The following WWOX variants were observed in gnomAD, a reference collection of about 807,000 sequenced individuals.
The protein encoded by WWOX is WW domain-containing oxidoreductase.
WWOX carries 69 observed loss-of-function variants against 46.2 expected under a neutral mutation model. That is an observed-to-expected ratio of 1.49 (90% CI 1.23 to 1.82). WWOX has a LOEUF of 1.82. WWOX is among the 40% of genes most tolerant of loss of function. The probability of loss-of-function intolerance (pLI) is 0.00; values close to 1 mark genes in which losing one functional copy is unlikely to be tolerated. For synonymous variants in WWOX, 359 were observed against 202.6 expected, an observed-to-expected ratio of 1.77 and a Z score of -6.56; for missense variants, 919 against 542.6, an observed-to-expected ratio of 1.69 and a Z score of -6.89.
intron 8 of WWOX, among the ~76,000 whole-genome samples, chr16:78,821,019 C>G (rs541624667): frequency 6.6e-6 from 1 of 152,244 alleles, no homozygotes; most frequent in South Asian, 2.1e-4. Context: ...CATCTCATTC[C>G]TTATCTTAAT....
At chr16:78,182,882 C>T (rs1309743127) in intron 5 of WWOX, among the ~76,000 whole-genome samples, 1 of 145,426 alleles carries the variant, frequency 6.9e-6, no homozygotes, top group Non-Finnish European at 1.5e-5. Flanking sequence ...ACCTGGGAGG[C>T]AGAGCTTGCA....
At chr16:78,609,257 C>G (rs149418477) in intron 8 of WWOX, among the ~76,000 whole-genome samples, 209 of 152,222 alleles carry the variant, frequency 1.4e-3, no homozygotes, top group African/African-American at 4.8e-3. Context: ...GAAAGTAAAA[C>G]TGCCAAGTTA....
intron 8 of WWOX, among the ~76,000 whole-genome samples, chr16:78,802,137 C>T (rs1013082569): frequency 6.8e-6 from 1 of 147,960 alleles, no homozygotes; most frequent in East Asian, 2.0e-4. Context: ...ATCAGACGTG[C>T]TTTTGAAATA....
intron 8 of WWOX, among the ~76,000 whole-genome samples, chr16:78,813,925 C>G (rs1014736843): frequency 7.2e-5 from 11 of 152,288 alleles, no homozygotes; most frequent in African/African-American, 2.4e-4. Context: ...TGTAGAGGCC[C>G]CAGTGTTAAC....
intron 6 of WWOX, among the ~76,000 whole-genome samples, chr16:78,415,825 A>G (rs2082785375): frequency 6.6e-6 from 1 of 151,818 alleles, no homozygotes; most frequent in African/African-American, 2.4e-5. Flanking sequence ...CCCCGCCCCC[A>G]CCACTACCAC....
At chr16:78,133,371 C>A (rs944209732) in intron 4 of WWOX, among the ~76,000 whole-genome samples, 1 of 152,186 alleles carries the variant, frequency 6.6e-6, no homozygotes, top group Non-Finnish European at 1.5e-5. Context: ...GGAGATTCTC[C>A]TGCTTCAGCT....
At chr16:78,883,786 A>G (rs1305382258) in intron 8 of WWOX, among the ~76,000 whole-genome samples, 1 of 152,144 alleles carries the variant, frequency 6.6e-6, no homozygotes, top group Non-Finnish European at 1.5e-5. Flanking sequence ...AGATGTTGAC[A>G]TTAGGGGAAA....
intron 8 of WWOX, among the ~76,000 whole-genome samples, chr16:79,070,157 C>T (rs760059154): frequency 5.1e-4 from 77 of 152,114 alleles, no homozygotes; most frequent in Admixed American, 6.5e-4. Flanking sequence ...AATACCAAGG[C>T]AATGCAGGTC....
At chr16:78,472,724 G>A (rs537464919) in intron 8 of WWOX, among the ~76,000 whole-genome samples, 82 of 146,812 alleles carry the variant, frequency 5.6e-4, no homozygotes, top group African/African-American at 1.2e-3. Context: ...CAGGAGAATC[G>A]CTTGAACCCG....
intron 8 of WWOX, among the ~76,000 whole-genome samples, chr16:78,729,057 A>T (rs1165208290): frequency 1.3e-5 from 2 of 152,132 alleles, no homozygotes; most frequent in African/African-American, 4.8e-5. Context: ...CCCTAAAGAC[A>T]TCCTGCTGGT....
intron 5 of WWOX, among the ~76,000 whole-genome samples, chr16:78,319,329 A>G (rs2080418021): frequency 6.6e-6 from 1 of 152,138 alleles, no homozygotes; most frequent in African/African-American, 2.4e-5. Flanking sequence ...CTCTCGCCCA[A>G]GCTGGAGTGC....
intron 8 of WWOX, among the ~76,000 whole-genome samples, chr16:79,023,764 T>C (rs1413919785): frequency 1.4e-5 from 2 of 144,442 alleles, no homozygotes; most frequent in African/African-American, 5.2e-5. Context: ...TACTAAAATA[T>C]GGTGATACCC....
At chr16:78,353,581 CA>C (rs1399836784) in intron 5 of WWOX, among the ~76,000 whole-genome samples, 2 of 152,218 alleles carry the variant, frequency 1.3e-5, no homozygotes, top group African/African-American at 4.8e-5. Flanking sequence ...TCTTGGTATT[CA>C]CCAAGGAATT....
chr16:78,229,351 C>T (rs1162646277), intron 5 of WWOX, among the ~76,000 whole-genome samples: 1 of 150,876 alleles, frequency 6.6e-6, no homozygotes, highest in African/African-American at 2.4e-5. Flanking sequence ...TTCTTTTTAA[C>T]TCTAGTTAAA....
At chr16:78,813,328 A>G (rs947251906) in intron 8 of WWOX, among the ~76,000 whole-genome samples, 1 of 152,106 alleles carries the variant, frequency 6.6e-6, no homozygotes, top group African/African-American at 2.4e-5. Flanking sequence ...CTTAAAAAAA[A>G]CACTCAGAAA....
intron 8 of WWOX, among the ~76,000 whole-genome samples, chr16:78,761,322 C>G (rs892418310): frequency 6.6e-6 from 1 of 152,140 alleles, no homozygotes; most frequent in Non-Finnish European, 1.5e-5. Flanking sequence ...TTTGGATTTT[C>G]CTGGCCCATT....
At chr16:78,442,835 T>C (rs949530229) in intron 8 of WWOX, among the ~76,000 whole-genome samples, 1 of 151,280 alleles carries the variant, frequency 6.6e-6, no homozygotes, top group Non-Finnish European at 1.5e-5. Context: ...TACAAAAAAA[T>C]TGGCTGGCTG....
chr16:78,150,335 G>C (rs1597271755), intron 4 of WWOX, among the ~76,000 whole-genome samples: 1 of 152,168 alleles, frequency 6.6e-6, no homozygotes, highest in African/African-American at 2.4e-5. Flanking sequence ...CACATGCTCA[G>C]CAATCTGGAA....
intron 8 of WWOX, among the ~76,000 whole-genome samples, chr16:79,119,669 G>T (rs985676904): frequency 6.6e-6 from 1 of 152,212 alleles, no homozygotes; most frequent in African/African-American, 2.4e-5. Flanking sequence ...GAACGGGACT[G>T]TCCAGCCGGG....
Sources: gnomAD v4.1 joint callset for allele counts (sites outside exome capture counted in the v4.1 genomes callset) on GRCh38, gnomAD v4.1.1 for gene constraint, MANE v1.5 for transcripts, NCBI Gene and HGNC (gene_info 2026-07-23, HGNC 2026-07-21) for gene names.